Variants in ZNF486 observed in about 807,000 individuals in gnomAD.
ZNF486 encodes the protein KRAB box only protein 2.
Under a neutral mutation model 12.8 loss-of-function variants are expected in ZNF486, and 12 were observed. The ratio of observed to expected loss-of-function variants is 0.94; its 90% CI spans 0.60 to 1.52. ZNF486 has a LOEUF of 1.52. Among genes scored for constraint, ZNF486 ranks in the 40% most tolerant of loss-of-function variants. The probability of loss-of-function intolerance (pLI) is 0.00; values close to 1 mark genes in which losing one functional copy is unlikely to be tolerated. For missense variants in ZNF486, 738 were observed against 545.0 expected (o/e 1.35, Z -3.53); for synonymous variants, 231 against 184.9 (o/e 1.25, Z -2.02).
At chr19:20,169,353 T>C (rs2089621100) in intron 1 of ZNF486, among the ~76,000 whole-genome samples, 1 of 151,714 alleles carries the variant, frequency 6.6e-6, no homozygotes, top group Non-Finnish European at 1.5e-5. Flanking sequence ...AGGTGATCCA[T>C]CCGCCTTGGC....
chr19:20,172,204 C>T (rs985526249), intron 1 of ZNF486, among the ~76,000 whole-genome samples: 2 of 151,870 alleles, frequency 1.3e-5, no homozygotes, highest in Non-Finnish European at 2.9e-5. Context: ...GATTTCTCCA[C>T]GTGGGTCAGG....
At chr19:20,184,184 C>T (rs1046493824) in intron 1 of ZNF486, among the ~76,000 whole-genome samples, 172 bp from the exon 2 acceptor site, 3 of 151,482 alleles carry the variant, frequency 2.0e-5, no homozygotes, top group Non-Finnish European at 2.9e-5. Flanking sequence ...TCTTTTTTTT[C>T]AGAGATAGAG....
At chr19:20,171,900 CTGT>C (rs536290353) in intron 1 of ZNF486, among the ~76,000 whole-genome samples, 154 of 152,186 alleles carry the variant, frequency 1.0e-3, no homozygotes, top group African/African-American at 3.5e-3. Flanking sequence ...GCCTCAGTGT[CTGT>C]TGTTCTCCTC....
At chr19:20,168,312 C>T (rs560506591) in intron 1 of ZNF486, among the ~76,000 whole-genome samples, 213 of 150,902 alleles carry the variant, frequency 1.4e-3, no homozygotes, top group Non-Finnish European at 2.5e-3. Flanking sequence ...TGAGCTGAGA[C>T]CGCGCCATCG....
intron 1 of ZNF486, among the ~76,000 whole-genome samples, chr19:20,180,173 G>A (rs2089768798): frequency 6.6e-6 from 1 of 152,218 alleles, no homozygotes; most frequent in South Asian, 2.1e-4. Context: ...GCTGACAAGA[G>A]TGGTTAATTC....
chr19:20,170,047 C>G (rs968544801), intron 1 of ZNF486, among the ~76,000 whole-genome samples: 5 of 151,660 alleles, frequency 3.3e-5, no homozygotes, highest in African/African-American at 9.7e-5. Flanking sequence ...CCCGCCACCA[C>G]GCCCGGCTAA....
Position 20,185,404 on chromosome 19 carries a change from GTTTT to G in ZNF486, c.158-562_158-559del, listed in dbSNP as rs782413355. Among the ~76,000 whole-genome samples, 635 of 69,594 alleles carry G rather than the reference GTTTT, an allele frequency of 9.1e-3. 6 individuals are homozygous for G. Among genetic ancestry groups the G allele is most frequent in the African/African-American group, 0.04 (615 of 15,550 alleles). The allele number at this position is 69,594 out of a possible 152,430, so 45.7% of individuals were successfully genotyped here. A position where few individuals can be genotyped will look rare whatever the true frequency, so the allele number is the denominator to read the frequency against. On this transcript the variant is annotated intron_variant, in intron 2 of 3. Coordinates refer to ENST00000335117, the MANE Select transcript of ZNF486 (RefSeq NM_052852.4). The stretch of plus-strand genomic sequence containing the variant: ...AGAAAGGTTTTAAGGTATTGTTTAT[GTTTT>G]TTTTTTTTTTTTTTTTTTTTGAGAT...
At chr19:20,180,580 A>T (rs2122648512) in intron 1 of ZNF486, among the ~76,000 whole-genome samples, 1 of 152,134 alleles carries the variant, frequency 6.6e-6, no homozygotes, top group African/African-American at 2.4e-5. Context: ...TGTTATTATA[A>T]TTTTTTTTCT....
chr19:20,170,204 G>T (rs1385756566), intron 1 of ZNF486, among the ~76,000 whole-genome samples: 1 of 151,886 alleles, frequency 6.6e-6, no homozygotes, highest in Non-Finnish European at 1.5e-5. Context: ...GCCAAAATGG[G>T]GTGTATGTTG....
chr19:20,187,762 C>A (rs1487358693), intron 3 of ZNF486, among the ~76,000 whole-genome samples: 3 of 152,192 alleles, frequency 2.0e-5, no homozygotes, highest in Non-Finnish European at 2.9e-5. Context: ...CTCGGCCTCC[C>A]AAAGTGCTGG....
At chr19:20,167,457 ATCTGCG>A in intron 1 of ZNF486, 97 bp downstream of exon 1, 6 of 1,420,772 alleles carry the variant, frequency 4.2e-6, no homozygotes, top group Non-Finnish European at 5.8e-6. Flanking sequence ...CAGCTCCACA[ATCTGCG>A]TCCGGACTTC....
intron 1 of ZNF486, among the ~76,000 whole-genome samples, chr19:20,181,786 T>TA (rs1353190236): frequency 6.6e-6 from 1 of 152,148 alleles, no homozygotes; most frequent in Admixed American, 6.5e-5. Context: ...TACAGTGTTT[T>TA]AAAAAAATTC....
intron 3 of ZNF486, among the ~76,000 whole-genome samples, chr19:20,194,846 ATG>A (rs1334184508): frequency 1.2e-4 from 18 of 152,142 alleles, no homozygotes; most frequent in African/African-American, 4.3e-4. Flanking sequence ...TTGCTTATAT[ATG>A]TGTTTGTTAT....
chr19:20,180,523 T>C (rs2089773246), intron 1 of ZNF486, among the ~76,000 whole-genome samples: 1 of 152,244 alleles, frequency 6.6e-6, no homozygotes, highest in African/African-American at 2.4e-5. Context: ...TATGCCGTTA[T>C]GACTTCTGAA....
intron 1 of ZNF486, chr19:20,177,141 T>C (rs2089728127): frequency 6.6e-6 from 1 of 152,304 alleles, no homozygotes; most frequent in East Asian, 1.9e-4. Context: ...AGCTGTGCTC[T>C]GGGCTGTGCC....
At chr19:20,193,817 T>A (rs967254088) in intron 3 of ZNF486, among the ~76,000 whole-genome samples, 21 of 152,262 alleles carry the variant, frequency 1.4e-4, no homozygotes, top group Admixed American at 2.0e-4. Context: ...TGTGTTTTTT[T>A]AATTTTTTGT....
rs562775721 is a variant in ZNF486, at chr19:20,199,789, G to T, written c.*1687G>T. ...TTGTAATTACATTAAAAGTATACTT[G>T]TTCCAGCTGCGTGTGGTGGCTCATG... On this transcript the variant is annotated 3_prime_UTR_variant, in exon 4 of 4. Transcript: ENST00000335117. The T allele has an allele frequency of 1.3e-5, 2 of 151,194 alleles. No homozygotes were observed. The highest frequency in any genetic ancestry group is 4.2e-4 in the South Asian group (2 of 4,758). The allele number at this position is 151,194 out of a possible 1,614,324, so 9.4% of individuals were successfully genotyped here.
chr19:20,186,594 A>G (rs2089849487), intron 3 of ZNF486, among the ~76,000 whole-genome samples: 3 of 151,906 alleles, frequency 2.0e-5, no homozygotes, highest in Admixed American at 2.0e-4. Context: ...TTCTGCTTTG[A>G]TCTTTTTCCT....
intron 1 of ZNF486, among the ~76,000 whole-genome samples, chr19:20,171,193 T>TGGC (rs1599693347): frequency 1.3e-5 from 2 of 152,322 alleles, no homozygotes; most frequent in East Asian, 3.9e-4. Context: ...GGAACAAAAC[T>TGGC]CTGGGTGTTT....
Sources: allele counts gnomAD v4.1 joint callset (sites outside exome capture counted in the v4.1 genomes callset), GRCh38; gene constraint gnomAD v4.1.1; transcripts MANE v1.5; gene names NCBI Gene and HGNC (gene_info 2026-07-23, HGNC 2026-07-21).